TMEM63C: variants seen among roughly 807,000 people sequenced by gnomAD.
TMEM63C encodes the protein osmosensitive cation channel TMEM63C.
In TMEM63C, 32 loss-of-function variants were observed where a neutral mutation model predicts 99.2. That is an observed-to-expected ratio of 0.32 (90% CI 0.24 to 0.43). TMEM63C has a LOEUF of 0.43. TMEM63C is among the 20% of genes least tolerant of loss of function. The pLI, the probability that TMEM63C is intolerant of heterozygous loss-of-function variation, is 1.00. For missense variants in TMEM63C, 826 were observed against 1,053.0 expected (o/e 0.78, Z 2.98); for synonymous variants, 376 against 397.9 (o/e 0.94, Z 0.66).
At chr14:77,252,234 G>A (rs1889379848) in intron 22 of TMEM63C, among the ~76,000 whole-genome samples, 1 of 152,186 alleles carries the variant, frequency 6.6e-6, no homozygotes, top group South Asian at 2.1e-4. Context: ...AAGGACTGGA[G>A]GCCAAGAGAG....
chr14:77,246,926 T>C (rs779595529), intron 18 of TMEM63C, among the ~76,000 whole-genome samples: 3 of 152,226 alleles, frequency 2.0e-5, no homozygotes, highest in Non-Finnish European at 2.9e-5. Flanking sequence ...GCCCCCAAAC[T>C]GTATGCAGGG....
At chr14:77,222,732 A>G (rs1888747630) in intron 5 of TMEM63C, among the ~76,000 whole-genome samples, 2 of 151,740 alleles carry the variant, frequency 1.3e-5, no homozygotes. Context: ...TCTCTGAGTC[A>G]CTCACCTTTT....
At chr14:77,202,486 C>T (rs74733398) in intron 1 of TMEM63C, among the ~76,000 whole-genome samples, 3 of 152,182 alleles carry the variant, frequency 2.0e-5, no homozygotes, top group Non-Finnish European at 2.9e-5. Flanking sequence ...TCAGCAGGGC[C>T]GTGCTCCCTC....
At chr14:77,245,258 A>T (rs1381572899) in intron 16 of TMEM63C, among the ~76,000 whole-genome samples, 1 of 152,158 alleles carries the variant, frequency 6.6e-6, no homozygotes, top group Admixed American at 6.5e-5. Context: ...ATCCCTTCCC[A>T]TGCCCAGCAC....
intron 1 of TMEM63C, among the ~76,000 whole-genome samples, chr14:77,191,933 G>A (rs1292765048): frequency 6.6e-6 from 1 of 152,216 alleles, no homozygotes; most frequent in African/African-American, 2.4e-5. Flanking sequence ...ATTGTGGTGT[G>A]GTCTATTTCT....
At chr14:77,254,991 CT>C (rs1284591811) in intron 23 of TMEM63C, among the ~76,000 whole-genome samples, 2 of 152,016 alleles carry the variant, frequency 1.3e-5, no homozygotes, top group African/African-American at 4.8e-5. Context: ...GTTTTATAAC[CT>C]TTTTTTGTGG....
intron 9 of TMEM63C, among the ~76,000 whole-genome samples, chr14:77,237,776 C>G (rs1269327669): frequency 6.6e-6 from 1 of 152,228 alleles, no homozygotes; most frequent in Non-Finnish European, 1.5e-5. Context: ...CGGGCAGGCA[C>G]CAGCAGTGCC....
At chr14:77,241,496 TG>T (rs1211116112) in intron 13 of TMEM63C, among the ~76,000 whole-genome samples, 1 of 151,730 alleles carries the variant, frequency 6.6e-6, no homozygotes, top group Non-Finnish European at 1.5e-5. Context: ...TTAAGAACTG[TG>T]GGGGGCAGGG....
intron 2 of TMEM63C, among the ~76,000 whole-genome samples, chr14:77,217,477 A>G (rs1409801212): frequency 6.6e-6 from 1 of 152,246 alleles, no homozygotes; most frequent in Non-Finnish European, 1.5e-5. Context: ...TTTGTCTAGC[A>G]TAAAGCAGTT....
At chr14:77,252,691 C>A (rs991366597) in intron 22 of TMEM63C, among the ~76,000 whole-genome samples, 1 of 152,250 alleles carries the variant, frequency 6.6e-6, no homozygotes, top group Non-Finnish European at 1.5e-5. Context: ...GACTGACACA[C>A]TACTGAGCCT....
chr14:77,183,741 C>T (rs1887950903), intron 1 of TMEM63C, among the ~76,000 whole-genome samples: 1 of 152,222 alleles, frequency 6.6e-6, no homozygotes, highest in Non-Finnish European at 1.5e-5. Context: ...GCTGGCTTCA[C>T]AGGAGCCTTG....
intron 5 of TMEM63C, among the ~76,000 whole-genome samples, chr14:77,220,319 C>T (rs755326799): frequency 5.3e-5 from 8 of 152,162 alleles, no homozygotes; most frequent in African/African-American, 9.7e-5. Context: ...TAAGTGTTAA[C>T]GAATTAAGAT....
At chr14:77,213,031 TTGAA>T (rs147685701) in intron 1 of TMEM63C, among the ~76,000 whole-genome samples, 2 of 152,206 alleles carry the variant, frequency 1.3e-5, no homozygotes, top group East Asian at 3.8e-4. Flanking sequence ...TGAATTCTTG[TTGAA>T]TGAATGAATG....
At chr14:77,205,334 G>A (rs991332032) in intron 1 of TMEM63C, among the ~76,000 whole-genome samples, 2 of 152,170 alleles carry the variant, frequency 1.3e-5, no homozygotes, top group Non-Finnish European at 2.9e-5. Flanking sequence ...CTGCAGATTG[G>A]GTTCGGTTCA....
intron 1 of TMEM63C, among the ~76,000 whole-genome samples, chr14:77,193,603 G>A (rs1888146636): frequency 6.6e-6 from 1 of 152,172 alleles, no homozygotes; most frequent in African/African-American, 2.4e-5. Flanking sequence ...GGGAGGTCGA[G>A]GCGGGCGGAT....
chr14:77,212,485 T>G (rs1027525028), intron 1 of TMEM63C, among the ~76,000 whole-genome samples: 1 of 152,244 alleles, frequency 6.6e-6, no homozygotes, highest in Admixed American at 6.5e-5. Flanking sequence ...GTTGACATCC[T>G]AGAGTTTCTA....
rs533488824 is a variant in TMEM63C, at chr14:77,196,395, G to T, written c.-77+14501G>T. Among the ~76,000 whole-genome samples the T allele has an allele frequency of 2.0e-5, 3 of 152,320 alleles. No homozygotes were observed. The East Asian group carries it at 5.8e-4, about 29-fold the overall frequency. On this transcript the variant is annotated intron_variant, in intron 1 of 23. Transcript: ENST00000298351. ...CTAAGCCCTCCCAAACCCACAACCT[G>T]CCAGGAAAGGGGCAGAACGGCCTAA...
In TMEM63C at chr14:77,253,285, A is replaced by C. The variant is rs1217257153; in HGVS notation, c.2149-20A>C. ...GCAAAGAGCAGGCCTCCTGTAACCCACCACCTCTCCCTGCTGCAGCCCGAG... is the reference window on the plus strand; with the variant it reads ...GCAAAGAGCAGGCCTCCTGTAACCCCCCACCTCTCCCTGCTGCAGCCCGAG... On this transcript the variant is annotated intron_variant, in intron 22 of 23. Transcript: ENST00000298351. 2 of 1,609,918 alleles carry C rather than the reference A, an allele frequency of 1.2e-6. No homozygotes were observed. Among genetic ancestry groups the C allele is most frequent in the Admixed American group, 3.4e-5 (2 of 59,642 alleles).
chr14:77,194,230 G>A (rs895192969), intron 1 of TMEM63C, among the ~76,000 whole-genome samples: 1 of 152,144 alleles, frequency 6.6e-6, no homozygotes, highest in Non-Finnish European at 1.5e-5. Context: ...GTCTGTGCTG[G>A]TATGCAGAGA....
Sources: allele counts gnomAD v4.1 joint callset (sites outside exome capture counted in the v4.1 genomes callset), GRCh38; gene constraint gnomAD v4.1.1; transcripts MANE v1.5; gene names NCBI Gene and HGNC (gene_info 2026-07-23, HGNC 2026-07-21).